LSAMP: variants seen among roughly 807,000 people sequenced by gnomAD.
LSAMP encodes the protein limbic system-associated membrane protein.
In LSAMP, 7 loss-of-function variants were observed where a neutral mutation model predicts 38.6. The observed-to-expected ratio is 0.18, with a 90% CI of 0.10 to 0.34. The LOEUF is 0.34. Among genes scored for constraint, LSAMP ranks in the 10% least tolerant of loss-of-function variants. LSAMP has a pLI of 1.00. For synonymous variants in LSAMP, 154 were observed against 166.8 expected, an observed-to-expected ratio of 0.92 and a Z score of 0.59; for missense variants, 313 against 420.0, an observed-to-expected ratio of 0.75 and a Z score of 2.23.
chr3:115,853,035 G>A lies in LSAMP; in HGVS notation c.515-418C>T, dbSNP rs375359375. On this transcript the variant is annotated intron_variant, in intron 3 of 6. Transcript: ENST00000490035. ...TCACTCGTCGCTGGTTAAGGGTTTC[G>A]AACAAAGTGGGAGCTGGCGGGAGGT... Among the ~76,000 whole-genome samples the A allele has an allele frequency of 2.7e-4, 41 of 152,238 alleles. No homozygotes were observed. In the South Asian group the frequency reaches 7.7e-3, roughly 29 times the overall value.
intron 1 of LSAMP, among the ~76,000 whole-genome samples, chr3:116,232,865 C>A (rs996876768): frequency 1.3e-5 from 2 of 151,842 alleles, no homozygotes; most frequent in Non-Finnish European, 2.9e-5. Flanking sequence ...AGCTGATGAA[C>A]TACTCAAACT....
chr3:116,198,168 T>C (rs1210290178), intron 1 of LSAMP, among the ~76,000 whole-genome samples: 3 of 152,236 alleles, frequency 2.0e-5, no homozygotes, highest in African/African-American at 4.8e-5. Context: ...AGCATTTCTG[T>C]AGGAAATCAG....
intron 1 of LSAMP, among the ~76,000 whole-genome samples, chr3:116,345,415 G>T (rs1340770527): frequency 2.0e-5 from 3 of 152,076 alleles, no homozygotes; most frequent in African/African-American, 7.2e-5. Context: ...AGAGGAACTA[G>T]ATATCGGCCC....
chr3:115,879,040 G>A lies in LSAMP; in HGVS notation c.515-26423C>T, dbSNP rs576603335. On this transcript the variant is annotated intron_variant, in intron 3 of 6. Transcript: ENST00000490035. ...AAATGTTGATGAAAGTTACATGACAGCAAATTTATAATAGGCCCTACATAA... is the reference window on the plus strand; with the variant it reads ...AAATGTTGATGAAAGTTACATGACAACAAATTTATAATAGGCCCTACATAA... Among the ~76,000 whole-genome samples the A allele has an allele frequency of 3.9e-5, 6 of 152,242 alleles. No homozygotes were observed. In the South Asian group the frequency reaches 1.2e-3, roughly 32 times the overall value.
chr3:116,139,879 G>A (rs1709333447), intron 1 of LSAMP, among the ~76,000 whole-genome samples: 1 of 151,900 alleles, frequency 6.6e-6, no homozygotes, highest in Non-Finnish European at 1.5e-5. Context: ...TTTTCTATGG[G>A]GTTACAGTAT....
chr3:116,047,614 C>A (rs192476141), intron 2 of LSAMP, among the ~76,000 whole-genome samples: 1 of 152,264 alleles, frequency 6.6e-6, no homozygotes. Flanking sequence ...CCTTGGACAA[C>A]TCTGACTTCA....
In LSAMP at chr3:116,072,686, T is replaced by A. The variant is rs9829038; in HGVS notation, c.388+13638A>T. ...TTTTTTTTCATGTTTGTTGACTGCA[T>A]AAATGTTTTCTTTTGAGAAGTATCT... On this transcript the variant is annotated intron_variant, in intron 2 of 6. Coordinates refer to ENST00000490035, the MANE Select transcript of LSAMP (RefSeq NM_002338.5). 8.7e-3 allele frequency among the ~76,000 whole-genome samples: 1,323 copies of A among 152,052 alleles called. 21 individuals are homozygous for A. The highest frequency in any genetic ancestry group is 0.029 in the African/African-American group (1,190 of 41,484).
intron 1 of LSAMP, among the ~76,000 whole-genome samples, chr3:116,317,859 G>C (rs1482537872): frequency 2.6e-5 from 4 of 151,636 alleles, no homozygotes; most frequent in Non-Finnish European, 5.9e-5. Flanking sequence ...AATAAGGCCG[G>C]GCGCGGTGGC....
intron 1 of LSAMP, among the ~76,000 whole-genome samples, chr3:116,130,818 A>G (rs1416902271): frequency 1.3e-5 from 2 of 152,134 alleles, no homozygotes; most frequent in Non-Finnish European, 2.9e-5. Flanking sequence ...GGTAGAGATC[A>G]TATCTATATA....
chr3:116,244,556 T>G (rs2046580249), intron 1 of LSAMP, among the ~76,000 whole-genome samples: 1 of 152,186 alleles, frequency 6.6e-6, no homozygotes, highest in Admixed American at 6.5e-5. Context: ...TTCTCCCCAT[T>G]GCTGCAGTGA....
intron 1 of LSAMP, among the ~76,000 whole-genome samples, chr3:116,346,397 C>G (rs987365676): frequency 6.6e-6 from 1 of 150,438 alleles, no homozygotes; most frequent in Non-Finnish European, 1.5e-5. Flanking sequence ...GGTACCATCT[C>G]AGTTCACTGC....
At chr3:116,128,421 A>G (rs1417127647) in intron 1 of LSAMP, among the ~76,000 whole-genome samples, 4 of 152,210 alleles carry the variant, frequency 2.6e-5, no homozygotes, top group Admixed American at 6.5e-5. Context: ...TTGGTAGAAC[A>G]ATTTCTCCCT....
At chr3:116,080,354 C>T (rs761736594) in intron 2 of LSAMP, among the ~76,000 whole-genome samples, 1 of 152,120 alleles carries the variant, frequency 6.6e-6, no homozygotes, top group Non-Finnish European at 1.5e-5. Flanking sequence ...AACTTTTTCT[C>T]TTTTCCCTTA....
At chr3:116,106,673 G>A (rs1011854178) in intron 1 of LSAMP, among the ~76,000 whole-genome samples, 4 of 152,100 alleles carry the variant, frequency 2.6e-5, no homozygotes, top group Non-Finnish European at 5.9e-5. Context: ...AGGTGGGAAG[G>A]CTAAACTGAG....
chr3:115,979,169 A>C (rs184890133), intron 3 of LSAMP, among the ~76,000 whole-genome samples: 21 of 152,192 alleles, frequency 1.4e-4, no homozygotes, highest in Admixed American at 1.3e-3. Context: ...GAGAGACTAG[A>C]CATGGGGAAG....
At chr3:116,171,480 A>G (rs893892339) in intron 1 of LSAMP, among the ~76,000 whole-genome samples, 8 of 152,058 alleles carry the variant, frequency 5.3e-5, no homozygotes, top group African/African-American at 1.7e-4. Flanking sequence ...TCATCATGTT[A>G]CCTCCACAAA....
At chr3:115,873,206 C>T (rs927603689) in intron 3 of LSAMP, among the ~76,000 whole-genome samples, 1 of 151,708 alleles carries the variant, frequency 6.6e-6, no homozygotes, top group African/African-American at 2.4e-5. Context: ...GCTGTCTCTA[C>T]CAAAAATACA....
Position 116,179,589 on chromosome 3 carries a change from G to A in LSAMP, c.156-93033C>T, listed in dbSNP as rs146632187. On this transcript the variant is annotated intron_variant, in intron 1 of 6. Transcript: ENST00000490035. ...AGGAAACTTTCAATCATGCTGAAAGGGGAAGCAGGCATGTCTTACATGGCC... is the reference window on the plus strand; with the variant it reads ...AGGAAACTTTCAATCATGCTGAAAGAGGAAGCAGGCATGTCTTACATGGCC... 5.3e-3 allele frequency among the ~76,000 whole-genome samples: 801 copies of A among 152,198 alleles called. 3 individuals carry two copies. Among genetic ancestry groups the A allele is most frequent in the Non-Finnish European group, 7.0e-3 (477 of 68,006 alleles).
rs1937204557 is a variant in LSAMP at position 115,914,494 on chromosome 3, T to C, written c.515-61877A>G. Among the ~76,000 whole-genome samples, 4 of 152,202 alleles carry C rather than the reference T, an allele frequency of 2.6e-5. No individual in the cohort carries two copies. The South Asian group carries it at 6.2e-4, about 24-fold the overall frequency. On this transcript the variant is annotated intron_variant, in intron 3 of 6. Coordinates refer to ENST00000490035, the MANE Select transcript of LSAMP (RefSeq NM_002338.5). ...CACTGACTGTGCTTTCCACCCAGTGTCTCTAAATCTCCACTTGTTCTTGTT... is the reference window on the plus strand; with the variant it reads ...CACTGACTGTGCTTTCCACCCAGTGCCTCTAAATCTCCACTTGTTCTTGTT...
Sources: gnomAD v4.1 joint callset for allele counts (sites outside exome capture counted in the v4.1 genomes callset) on GRCh38, gnomAD v4.1.1 for gene constraint, MANE v1.5 for transcripts, NCBI Gene and HGNC (gene_info 2026-07-23, HGNC 2026-07-21) for gene names.